The following ZNF714 variants were observed in gnomAD, a reference collection of about 807,000 sequenced individuals.
The protein encoded by ZNF714 is zinc finger protein 714.
ZNF714 carries 32 observed loss-of-function variants against 46.2 expected under a neutral mutation model. That is an observed-to-expected ratio of 0.69 (90% CI 0.52 to 0.93). The LOEUF is 0.93. Among genes scored for constraint, ZNF714 ranks in the 40% least tolerant of loss-of-function variants. The pLI is 0.00. For synonymous variants in ZNF714, 199 were observed against 213.1 expected (o/e 0.93, Z 0.58); for missense variants, 635 against 646.3 (o/e 0.98, Z 0.19).
chr19:21,087,839 T>C (rs1968818088), intron 2 of ZNF714, among the ~76,000 whole-genome samples: 2 of 152,230 alleles, frequency 1.3e-5, no homozygotes, highest in Admixed American at 1.3e-4. Context: ...CCATGTCTTC[T>C]TATAATCTTT....
chr19:21,103,883 G>A (rs1969248515), intron 4 of ZNF714, among the ~76,000 whole-genome samples: 1 of 152,116 alleles, frequency 6.6e-6, no homozygotes, highest in Non-Finnish European at 1.5e-5. Flanking sequence ...GACAGAGTGA[G>A]ACCCTGTCTC....
At chr19:21,111,967 G>T (rs1008624943) in intron 4 of ZNF714, among the ~76,000 whole-genome samples, 1 of 152,130 alleles carries the variant, frequency 6.6e-6, no homozygotes, top group Non-Finnish European at 1.5e-5. Context: ...TTAATGTGTT[G>T]CTAGATTCAG....
rs1969679431 is a variant in ZNF714 at position 21,119,904 on chromosome 19, A to G, written c.*1572A>G. The G allele has an allele frequency of 6.6e-6, 1 of 152,202 alleles. No homozygotes were observed. The highest frequency in any genetic ancestry group is 2.4e-5 in the African/African-American group (1 of 41,456). 9.4% of individuals were successfully genotyped at this position (152,202 alleles called of 1,614,324 possible). On this transcript the variant is annotated 3_prime_UTR_variant, in exon 5 of 5. Transcript: ENST00000456283. ...AAGTATACTTTATTTCTTGAAAAAT[A>G]TTACAGATTTTTTGAAAAGTGAATA...
chr19:21,095,955 C>T (rs1422179074), intron 2 of ZNF714, among the ~76,000 whole-genome samples: 1 of 152,112 alleles, frequency 6.6e-6, no homozygotes, highest in Non-Finnish European at 1.5e-5. Context: ...AACTCCAGGG[C>T]CTCATATGAC....
intron 4 of ZNF714, among the ~76,000 whole-genome samples, chr19:21,103,582 CAT>C (rs1969239452): frequency 1.3e-5 from 2 of 151,840 alleles, no homozygotes; most frequent in Non-Finnish European, 2.9e-5. Context: ...ACAGTAAAAA[CAT>C]ATTAAAATTT....
In ZNF714 at chr19:21,098,888, TG is replaced by T. The variant is rs1444094553; in HGVS notation, c.121del (p.Glu41ArgfsTer23). On this transcript the variant is annotated frameshift_variant, in exon 4 of 5. Coordinates refer to ENST00000456283, the MANE Select transcript of ZNF714 (RefSeq NM_182515.4). LOFTEE classifies it high-confidence loss of function. ...AAGAGCCCTGGAATATGAAGATATG[TG>T]AGATGGTGGATGAATCCCCAGGTAG... The part of the protein sequence containing the change: ...EKEPWNMKIC[E>X]MVDESPAMCS... The T allele has an allele frequency of 1.2e-6, 2 of 1,609,550 alleles. No homozygotes were observed. Among genetic ancestry groups the T allele is most frequent in the Admixed American group, 3.4e-5 (2 of 59,628 alleles).
intron 4 of ZNF714, among the ~76,000 whole-genome samples, chr19:21,102,293 T>C (rs952159730): frequency 6.6e-6 from 1 of 152,212 alleles, no homozygotes; most frequent in East Asian, 1.9e-4. Flanking sequence ...AATTTACATG[T>C]TATGCCTGAA....
chr19:21,098,887 G>A lies in ZNF714; in HGVS notation c.119G>A (p.Cys40Tyr), dbSNP rs776028796. 2 of 1,605,346 alleles carry A rather than the reference G, an allele frequency of 1.2e-6. No homozygotes were observed. The highest frequency in any genetic ancestry group is 1.7e-6 in the Non-Finnish European group (2 of 1,175,046). ...AAAGAGCCCTGGAATATGAAGATAT[G>A]TGAGATGGTGGATGAATCCCCAGGT... ...QEKEPWNMKI[C>Y]EMVDESPAMC... Residue 40 changes from cysteine (C) to tyrosine (Y), a missense_variant, in exon 4 of 5, where the codon TGT becomes TAT. Coordinates refer to ENST00000456283, the MANE Select transcript of ZNF714 (RefSeq NM_182515.4).
At chr19:21,099,165 T>G (rs941902843) in intron 4 of ZNF714, among the ~76,000 whole-genome samples, 4 of 150,976 alleles carry the variant, frequency 2.6e-5, no homozygotes, top group Non-Finnish European at 5.9e-5. Context: ...AAAAACACTG[T>G]TTTTTTTTGT....
At position 21,084,009 on chromosome 19, in the gene ZNF714, A is replaced by G. The variant is rs913658692; in HGVS notation, c.-145A>G. 1.0e-5 allele frequency: 13 copies of G among 1,270,570 alleles called. No individual in the cohort carries two copies. In the East Asian group the frequency reaches 6.9e-4, roughly 68 times the overall value. The allele number at this position is 1,270,570 out of a possible 1,614,324, so 78.7% of individuals were successfully genotyped here. A position where few individuals can be genotyped will look rare whatever the true frequency, so the allele number is the denominator to read the frequency against. ...CTGAGGTCTGGAGTGTATCCTCTCA[A>G]GGGAGCAAGTGGATCCCTGGGGCAG... is the stretch of plus-strand genomic sequence containing the variant. On this transcript the variant is annotated 5_prime_UTR_variant, in exon 2 of 5. Coordinates refer to ENST00000456283, the MANE Select transcript of ZNF714 (RefSeq NM_182515.4).
chr19:21,084,858 G>A (rs1968738906), intron 2 of ZNF714, among the ~76,000 whole-genome samples: 1 of 151,984 alleles, frequency 6.6e-6, no homozygotes, highest in African/African-American at 2.4e-5. Context: ...GACCTCAGAT[G>A]ATCTGCCCTC....
intron 4 of ZNF714, among the ~76,000 whole-genome samples, chr19:21,111,959 A>C (rs1969458185): frequency 6.6e-6 from 1 of 152,120 alleles, no homozygotes; most frequent in African/African-American, 2.4e-5. Context: ...TAAGCTTTTT[A>C]ATGTGTTGCT....
At chr19:21,115,342 T>C (rs1355704885) in intron 4 of ZNF714, among the ~76,000 whole-genome samples, 1 of 151,964 alleles carries the variant, frequency 6.6e-6, no homozygotes, top group African/African-American at 2.4e-5. Flanking sequence ...TGTGCATGTT[T>C]CCCTAGAAAA....
In ZNF714 at chr19:21,117,534, T is replaced by C. The variant is rs1969627639; in HGVS notation, c.870T>C (p.Cys290=). The C allele has an allele frequency of 6.2e-7, 1 of 1,606,680 alleles. No individual in the cohort carries two copies. Residue 290 remains cysteine, a synonymous_variant, in exon 5 of 5, where the codon TGT becomes TGC. Coordinates refer to ENST00000456283, the MANE Select transcript of ZNF714 (RefSeq NM_182515.4). The part of the protein sequence containing the change: ...VKEKPYKCEE[C]DKAFNRFSYL... ...AAAAACCCTACAAATGTGAAGAATG[T>C]GACAAAGCTTTTAACCGATTCTCAT...
intron 2 of ZNF714, among the ~76,000 whole-genome samples, chr19:21,087,177 A>G (rs1968800201): frequency 6.7e-6 from 1 of 150,160 alleles, no homozygotes; most frequent in Non-Finnish European, 1.5e-5. Context: ...AAGAGGATCA[A>G]CACAACTTGA....
At chr19:21,101,984 T>C (rs949487831) in intron 4 of ZNF714, among the ~76,000 whole-genome samples, 3 of 152,198 alleles carry the variant, frequency 2.0e-5, no homozygotes, top group Non-Finnish European at 4.4e-5. Context: ...ACTTGGGAGA[T>C]GGGATCTTGT....
At chr19:21,088,968 G>C (rs1343627177) in intron 2 of ZNF714, among the ~76,000 whole-genome samples, 1 of 152,156 alleles carries the variant, frequency 6.6e-6, no homozygotes, top group African/African-American at 2.4e-5. Flanking sequence ...TACTTCCTAA[G>C]TGGTCCAGAG....
At chr19:21,092,361 A>G (rs776645956) in intron 2 of ZNF714, among the ~76,000 whole-genome samples, 9 of 152,324 alleles carry the variant, frequency 5.9e-5, no homozygotes, top group Non-Finnish European at 1.2e-4. Context: ...AAAAGCCACA[A>G]AAGTGTCAAG....
At position 21,116,887 on chromosome 19, in the gene ZNF714, C is replaced by T; in HGVS notation, c.223C>T (p.His75Tyr). 6.8e-6 allele frequency: 11 copies of T among 1,613,828 alleles called. No individual in the cohort carries two copies. Among genetic ancestry groups the T allele is most frequent in the Non-Finnish European group, 8.5e-6 (10 of 1,179,840 alleles). Residue 75 changes from histidine (H) to tyrosine (Y), a missense_variant, in exon 5 of 5, where the codon CAT becomes TAT. Physicochemically the swap from His to Tyr is moderately conservative, Grantham distance 83 (BLOSUM62 2). Transcript: ENST00000456283. Reference protein sequence around the residue: ...DSFQQVILRRHGKCEHENLQL... With the variant: ...DSFQQVILRRYGKCEHENLQL... ...TTTTCAACAAGTGATACTGAGAAGA[C>T]ATGGCAAATGTGAACATGAGAATTT... is the stretch of plus-strand genomic sequence containing the variant.
Sources: allele counts gnomAD v4.1 joint callset (sites outside exome capture counted in the v4.1 genomes callset), GRCh38; gene constraint gnomAD v4.1.1; transcripts MANE v1.5; gene names NCBI Gene and HGNC (gene_info 2026-07-23, HGNC 2026-07-21).